Variants in ETV5 observed in about 807,000 individuals in gnomAD.
ETV5 encodes ETS translocation variant 5.
ETV5 carries 10 observed loss-of-function variants against 70.0 expected under a neutral mutation model. That is an observed-to-expected ratio of 0.14 (90% CI 0.09 to 0.24). The LOEUF (loss-of-function observed/expected upper bound fraction) is 0.24. Ranked by LOEUF, ETV5 falls within the 10% of genes least tolerant of loss-of-function variation. ETV5 has a pLI of 1.00. For synonymous variants in ETV5, 216 were observed against 242.2 expected (o/e 0.89, Z 1.01); for missense variants, 453 against 651.2 (o/e 0.70, Z 3.31).
At chr3:186,079,745 C>G (rs1713884319) in intron 7 of ETV5, 72 bp downstream of exon 7, 2 of 1,483,112 alleles carry the variant, frequency 1.3e-6, no homozygotes, top group South Asian at 2.7e-5. Flanking sequence ...AGACAAACTG[C>G]TTCCCCTCTC....
chr3:186,054,063 C>A lies in ETV5; in HGVS notation c.1210-1932G>T, dbSNP rs114641680. On this transcript the variant is annotated intron_variant, in intron 11 of 12. Transcript: ENST00000306376. The surrounding 1 kb of genome is among the most constrained non-coding windows in gnomAD (Gnocchi z 4.4). ...GCTTACTGGAGAAAGGTTTGGTATACGCACAGATTTCAAAGCAGCTCTGGT... is the reference window on the plus strand; with the variant it reads ...GCTTACTGGAGAAAGGTTTGGTATAAGCACAGATTTCAAAGCAGCTCTGGT... 2.0e-5 allele frequency among the ~76,000 whole-genome samples: 3 copies of A among 152,218 alleles called. No homozygotes were observed. The highest frequency in any genetic ancestry group is 2.1e-4 in the South Asian group (1 of 4,836).
rs1386405299 is a variant in ETV5 at position 186,074,001 on chromosome 3, A to C, written c.650+5816T>G. ...CAGAATAAACCCAAAGAAAACAAAG[A>C]ATAAAGTATTTTAGTGAGAGCAGAA... On this transcript the variant is annotated intron_variant, in intron 7 of 12. Coordinates refer to ENST00000306376, the MANE Select transcript of ETV5 (RefSeq NM_004454.3). 4.6e-5 allele frequency among the ~76,000 whole-genome samples: 7 copies of C among 152,328 alleles called. No homozygotes were observed. The East Asian group carries it at 1.3e-3, about 29-fold the overall frequency.
At chr3:186,080,974 GA>G in intron 6 of ETV5, 71 bp downstream of exon 6, 1 of 1,518,266 alleles carries the variant, frequency 6.6e-7, no homozygotes, top group East Asian at 2.3e-5. Context: ...CACTGGGAAG[GA>G]ACATTCAGCT....
intron 5 of ETV5, among the ~76,000 whole-genome samples, chr3:186,091,900 C>T (rs140021799): frequency 6.6e-6 from 1 of 152,224 alleles, no homozygotes; most frequent in East Asian, 1.9e-4. Context: ...GTAATAGCAG[C>T]CAATGAAATT....
chr3:186,065,370 G>A (rs965074453), intron 8 of ETV5, among the ~76,000 whole-genome samples: 1 of 152,134 alleles, frequency 6.6e-6, no homozygotes, highest in Non-Finnish European at 1.5e-5. Flanking sequence ...GTTTACACAC[G>A]ATCACTACCT....
intron 1 of ETV5, among the ~76,000 whole-genome samples, chr3:186,107,536 A>G (rs947833676): frequency 3.3e-5 from 5 of 152,230 alleles, no homozygotes; most frequent in African/African-American, 1.2e-4. Flanking sequence ...TAAAAGAAAT[A>G]AACTGCCATA....
rs1208228938 is a variant in ETV5 at position 186,082,447 on chromosome 3, A to G, written c.233-1272T>C. On this transcript the variant is annotated intron_variant, in intron 5 of 12. Coordinates refer to ENST00000306376, the MANE Select transcript of ETV5 (RefSeq NM_004454.3). The stretch of plus-strand genomic sequence containing the variant: ...TTTTCTCTTTTTTTTTTTTTTTTTG[A>G]GACGGAGTCTTACTCTGTCGCCCAG... 2.3e-5 allele frequency among the ~76,000 whole-genome samples: 3 copies of G among 129,406 alleles called. No homozygotes were observed. The Admixed American group carries it at 2.4e-4, about 10-fold the overall frequency. 84.9% of individuals were successfully genotyped at this position (129,406 alleles called of 152,430 possible).
chr3:186,056,164 T>A (rs184367724), intron 11 of ETV5, among the ~76,000 whole-genome samples: 20 of 152,370 alleles, frequency 1.3e-4, no homozygotes, highest in Non-Finnish European at 2.4e-4. Flanking sequence ...ACTGGTTCTG[T>A]CAACAGTGTA....
intron 9 of ETV5, among the ~76,000 whole-genome samples, chr3:186,059,233 C>A (rs1713246822): frequency 2.0e-5 from 3 of 152,054 alleles, no homozygotes; most frequent in African/African-American, 7.2e-5. Context: ...TTTTTGTTTT[C>A]TCAGCCCTAA....
At chr3:186,058,096 A>G (rs555191838) in intron 9 of ETV5, among the ~76,000 whole-genome samples, 17 of 152,352 alleles carry the variant, frequency 1.1e-4, no homozygotes, top group African/African-American at 3.6e-4. Context: ...GCAATGAAAC[A>G]AATTCACTGT....
At position 186,105,945 on chromosome 3, in the gene ETV5, G is replaced by A; in HGVS notation, c.-74-3C>T. On this transcript the variant is annotated splice_polypyrimidine_tract_variant and splice_region_variant and intron_variant, in intron 1 of 12. Coordinates refer to ENST00000306376, the MANE Select transcript of ETV5 (RefSeq NM_004454.3). This position sits in a 1 kb window ranked among gnomAD's most constrained non-coding sequence, Gnocchi z 4.5. ...TTTCTGGGGGAAAAGGGATCCTCCT[G>A]TAATATGAATTTGGGAGATTTTAAC... 6.4e-7 allele frequency: 1 copy of A among 1,563,036 alleles called. No individual in the cohort carries two copies. Among genetic ancestry groups the A allele is most frequent in the Non-Finnish European group, 8.7e-7 (1 of 1,146,356 alleles).
rs1560051612 is a variant in ETV5 at position 186,079,971 on chromosome 3, C to T, written c.496G>A (p.Ala166Thr). The part of the protein sequence containing the change: ...TLPTSGHAPA[A>T]GPVQGVGPAP... ...GGGCCCACACCTTGAACTGGGCCAG[C>T]TGCAGGGGCATGCCCTGAGGTGGGC... The change falls in exon 7 of 13, where the codon GCT becomes ACT. Residue 166 changes from alanine (A) to threonine (T), a missense_variant. Coordinates refer to ENST00000306376, the MANE Select transcript of ETV5 (RefSeq NM_004454.3). 1 of 1,591,426 alleles carries T rather than the reference C, an allele frequency of 6.3e-7. No homozygotes were observed. The highest frequency in any genetic ancestry group is 1.4e-5 in the African/African-American group (1 of 73,084).
At position 186,057,527 on chromosome 3, in the gene ETV5, A is replaced by C. The variant is rs1459127206; in HGVS notation, c.971-36T>G. ...ATTTAAAAGAAAGACTACGTTGCTT[A>C]ACAAATTCTGTGTTGTACTAAAACT... is the stretch of plus-strand genomic sequence containing the variant. On this transcript the variant is annotated intron_variant, in intron 9 of 12. Transcript: ENST00000306376. This position sits in a 1 kb window ranked among gnomAD's most constrained non-coding sequence, Gnocchi z 4.9. 6.5e-7 allele frequency: 1 copy of C among 1,547,458 alleles called. No homozygotes were observed. The highest frequency in any genetic ancestry group is 1.4e-5 in the African/African-American group (1 of 73,542).
chr3:186,096,852 C>T (rs981249586), intron 5 of ETV5, among the ~76,000 whole-genome samples: 3 of 151,976 alleles, frequency 2.0e-5, no homozygotes, highest in Admixed American at 6.6e-5. Flanking sequence ...TGTGAGCTGC[C>T]GGTGAGCTAC....
chr3:186,096,693 G>C (rs1323680376), intron 5 of ETV5, among the ~76,000 whole-genome samples: 3 of 152,232 alleles, frequency 2.0e-5, no homozygotes, highest in Non-Finnish European at 2.9e-5. Context: ...TGAGGATGAA[G>C]AGTAGGAACT....
rs114633861 is a variant in ETV5 at position 186,069,332 on chromosome 3, T to C, written c.651-3260A>G. ...TGAAGGTTCAGTGGGCTGATAGCCT[T>C]TCATGGGGCGCTGAATGCCTTACGG... On this transcript the variant is annotated intron_variant, in intron 7 of 12. Transcript: ENST00000306376. Among the ~76,000 whole-genome samples the C allele has an allele frequency of 2.1e-3, 325 of 152,284 alleles. 1 individual carries two copies. Among genetic ancestry groups the C allele is most frequent in the African/African-American group, 7.5e-3 (313 of 41,564 alleles).
chr3:186,080,746 C>T (rs948608985), intron 6 of ETV5: 13 of 248,070 alleles, frequency 5.2e-5, no homozygotes, highest in Admixed American at 4.9e-4. Flanking sequence ...GTATATATTA[C>T]CTGCCTCAAA....
At chr3:186,087,640 G>A (rs766977917) in intron 5 of ETV5, among the ~76,000 whole-genome samples, 3 of 152,098 alleles carry the variant, frequency 2.0e-5, no homozygotes, top group Non-Finnish European at 4.4e-5. Context: ...AAAATAAACT[G>A]GTCCATTCAA....
chr3:186,083,839 A>G (rs7433760), intron 5 of ETV5, among the ~76,000 whole-genome samples: 61,791 of 149,164 alleles, frequency 0.41, 13,713 homozygotes, highest in East Asian at 0.75. Flanking sequence ...TGGCAGGAAC[A>G]AGAATGGAAA....
Sources: gnomAD v4.1 joint callset for allele counts (sites outside exome capture counted in the v4.1 genomes callset) on GRCh38, gnomAD v4.1.1 for gene constraint, Gnocchi (gnomAD v3.1) non-coding constraint, MANE v1.5 for transcripts, NCBI Gene and HGNC (gene_info 2026-07-23, HGNC 2026-07-21) for gene names.